Variants in FAM120A observed in about 807,000 individuals in gnomAD.
FAM120A encodes the protein constitutive coactivator of PPAR-gamma-like protein 1.
FAM120A carries 15 observed loss-of-function variants against 109.7 expected under a neutral mutation model. That is an observed-to-expected ratio of 0.14 (90% confidence interval 0.09 to 0.21). The LOEUF (loss-of-function observed/expected upper bound fraction) is 0.21, where lower values mean the gene tolerates loss of function less well. FAM120A is among the 10% of genes least tolerant of loss of function. The pLI is 1.00. For missense variants in FAM120A, 899 were observed against 1,439.3 expected, an observed-to-expected ratio of 0.62 and a Z score of 6.07; for synonymous variants, 493 against 572.8, an observed-to-expected ratio of 0.86 and a Z score of 1.99.
chr9:93,528,971 A>G (rs1861206304), intron 8 of FAM120A, among the ~76,000 whole-genome samples: 1 of 152,146 alleles, frequency 6.6e-6, no homozygotes, highest in African/African-American at 2.4e-5. Context: ...TCTCGAGAAA[A>G]CAGAAACACA....
At chr9:93,536,439 C>T (rs1467526760) in intron 10 of FAM120A, among the ~76,000 whole-genome samples, 1 of 152,234 alleles carries the variant, frequency 6.6e-6, no homozygotes, top group Non-Finnish European at 1.5e-5. Flanking sequence ...AGAACCTTAT[C>T]TGCGCAGCTA....
At chr9:93,459,404 AGTTTT>A (rs1241849415) in intron 1 of FAM120A, among the ~76,000 whole-genome samples, 1 of 152,206 alleles carries the variant, frequency 6.6e-6, no homozygotes, top group African/African-American at 2.4e-5. Flanking sequence ...CCATTACTTA[AGTTTT>A]GTTTTGTTTT....
chr9:93,550,596 G>A lies in FAM120A; in HGVS notation c.2179G>A (p.Gly727Arg). The A allele has an allele frequency of 6.2e-7, 1 of 1,613,800 alleles. No homozygotes were observed. Among genetic ancestry groups the A allele is most frequent in the Non-Finnish European group, 8.5e-7 (1 of 1,179,994 alleles). The change falls in exon 12 of 18, where the codon GGA becomes AGA. Residue 727 changes from glycine to arginine, a missense_variant. Gly to Arg is a moderately radical substitution (Grantham distance 125, BLOSUM62 -2). Coordinates refer to ENST00000277165, the MANE Select transcript of FAM120A (RefSeq NM_014612.5). ...CACCAGGTACATGGTGCAGTGGCCG[G>A]GAGCACGCATCCTTCGGCGTCAGGA... The part of the protein sequence containing the change: ...CVLRYMVQWP[G>R]ARILRRQELD...
chr9:93,553,918 C>G (rs1246582339), intron 12 of FAM120A, among the ~76,000 whole-genome samples: 2 of 151,948 alleles, frequency 1.3e-5, no homozygotes, highest in Non-Finnish European at 2.9e-5. Flanking sequence ...AAAAACACCA[C>G]ATAATGTAAG....
At chr9:93,551,430 A>C (rs1438073013) in intron 12 of FAM120A, among the ~76,000 whole-genome samples, 4 of 152,194 alleles carry the variant, frequency 2.6e-5, no homozygotes, top group Non-Finnish European at 4.4e-5. Context: ...AGACTTTTCA[A>C]AGCTAGTTAA....
At chr9:93,506,471 T>G (rs1860060622) in intron 5 of FAM120A, among the ~76,000 whole-genome samples, 1 of 152,216 alleles carries the variant, frequency 6.6e-6, no homozygotes, top group Non-Finnish European at 1.5e-5. Flanking sequence ...ACAACTTTGC[T>G]CAGTTCTTAT....
Position 93,498,968 on chromosome 9 carries a change from G to C in FAM120A, c.1030+82G>C. 3 of 957,952 alleles carry C rather than the reference G, an allele frequency of 3.1e-6. No individual in the cohort carries two copies. In the Admixed American group the frequency reaches 5.9e-5, roughly 19 times the overall value. 59.3% of individuals were successfully genotyped at this position (957,952 alleles called of 1,614,324 possible). On this transcript the variant is annotated intron_variant, in intron 5 of 17. Coordinates refer to ENST00000277165, the MANE Select transcript of FAM120A (RefSeq NM_014612.5). This position sits in a 1 kb window ranked among gnomAD's most constrained non-coding sequence, Gnocchi z 4.4. Reference sequence around the variant, plus strand: ...AAATATTCACCATATAATCTTGTAGGTTTATGTTTTTGAAACATGATTTTC... The same window carrying C: ...AAATATTCACCATATAATCTTGTAGCTTTATGTTTTTGAAACATGATTTTC...
At chr9:93,473,696 G>T (rs556346561) in intron 2 of FAM120A, among the ~76,000 whole-genome samples, 2 of 152,346 alleles carry the variant, frequency 1.3e-5, no homozygotes, top group East Asian at 3.9e-4. Flanking sequence ...TTCACAACTT[G>T]TGTTTGTTTG....
At chr9:93,473,751 T>G (rs116456157) in intron 2 of FAM120A, among the ~76,000 whole-genome samples, 9 of 152,236 alleles carry the variant, frequency 5.9e-5, no homozygotes, top group African/African-American at 1.7e-4. Context: ...CTCTTGTGCC[T>G]TTGGGGATTT....
intron 7 of FAM120A, among the ~76,000 whole-genome samples, chr9:93,522,075 G>GTT (rs1314424710): frequency 3.3e-5 from 5 of 152,170 alleles, no homozygotes; most frequent in African/African-American, 1.2e-4. Context: ...GTGAGATCCT[G>GTT]TTTAAAAAAC....
chr9:93,550,646 G>A lies in FAM120A; in HGVS notation c.2229G>A (p.Ala743=), dbSNP rs533609962. 61 of 1,613,884 alleles carry A rather than the reference G, an allele frequency of 3.8e-5. No individual in the cohort carries two copies. Among genetic ancestry groups the A allele is most frequent in the Middle Eastern group, 1.6e-4 (1 of 6,062 alleles). ...RQELDAFLAQ[A]LSPKLYEPDQ... ...AGCTAGATGCCTTCCTGGCTCAGGC[G>A]CTGTCCCCCAAACTCTACGAGCCTG... Residue 743 remains alanine, a synonymous_variant, in exon 12 of 18, where the codon GCG becomes GCA. Coordinates refer to ENST00000277165, the MANE Select transcript of FAM120A (RefSeq NM_014612.5).
intron 10 of FAM120A, among the ~76,000 whole-genome samples, chr9:93,539,276 C>T (rs575966887): frequency 2.6e-5 from 4 of 152,024 alleles, no homozygotes; most frequent in African/African-American, 4.8e-5. Context: ...GGATTACAGG[C>T]GTGAGCCACC....
chr9:93,481,842 C>T (rs767897116), intron 3 of FAM120A, among the ~76,000 whole-genome samples: 1 of 152,160 alleles, frequency 6.6e-6, no homozygotes, highest in Admixed American at 6.5e-5. Flanking sequence ...TGTCCTCCCC[C>T]AGCCCTTTCT....
At chr9:93,551,841 T>G (rs893173038) in intron 12 of FAM120A, among the ~76,000 whole-genome samples, 2 of 152,248 alleles carry the variant, frequency 1.3e-5, no homozygotes, top group African/African-American at 4.8e-5. Context: ...AATTGTGTTC[T>G]TTACTTTGTA....
intron 1 of FAM120A, among the ~76,000 whole-genome samples, chr9:93,460,268 A>G (rs1857731088): frequency 6.6e-6 from 1 of 152,252 alleles, no homozygotes; most frequent in African/African-American, 2.4e-5. Flanking sequence ...TAAAACAGGC[A>G]TTTAAATGAA....
At chr9:93,508,972 G>A (rs1860193814) in intron 5 of FAM120A, among the ~76,000 whole-genome samples, 1 of 152,232 alleles carries the variant, frequency 6.6e-6, no homozygotes, top group Non-Finnish European at 1.5e-5. Flanking sequence ...CCAGATGACT[G>A]ATCCTAAGCT....
At chr9:93,549,196 T>C (rs1323200476) in intron 11 of FAM120A, among the ~76,000 whole-genome samples, 2 of 152,220 alleles carry the variant, frequency 1.3e-5, no homozygotes, top group Admixed American at 6.5e-5. Context: ...CATCACTCTT[T>C]TATGTATCTC....
At chr9:93,457,944 A>G (rs535650517) in intron 1 of FAM120A, among the ~76,000 whole-genome samples, 41 of 152,122 alleles carry the variant, frequency 2.7e-4, no homozygotes, top group Middle Eastern at 3.4e-3. Flanking sequence ...AAATGCCACA[A>G]TCCTCTTGGC....
intron 3 of FAM120A, among the ~76,000 whole-genome samples, chr9:93,483,206 G>T (rs897628331): frequency 2.6e-5 from 4 of 152,102 alleles, no homozygotes; most frequent in Non-Finnish European, 5.9e-5. Context: ...CTCCTTACAT[G>T]TTAGTGTTAA....
Sources: gnomAD v4.1 joint callset for allele counts (sites outside exome capture counted in the v4.1 genomes callset) on GRCh38, gnomAD v4.1.1 for gene constraint, Gnocchi (gnomAD v3.1) non-coding constraint, MANE v1.5 for transcripts, NCBI Gene and HGNC (gene_info 2026-07-23, HGNC 2026-07-21) for gene names.